LINGO2: variants seen among roughly 807,000 people sequenced by gnomAD.
The protein encoded by LINGO2 is leucine rich repeat and Ig domain containing 2.
LINGO2 carries 14 observed loss-of-function variants against 30.6 expected under a neutral mutation model. The observed-to-expected ratio is 0.46, with a 90% CI of 0.30 to 0.72. The LOEUF (loss-of-function observed/expected upper bound fraction) is 0.72. Ranked by LOEUF, LINGO2 falls within the 30% of genes least tolerant of loss-of-function variation. The pLI, the probability that LINGO2 is intolerant of heterozygous loss-of-function variation, is 0.07. For missense variants in LINGO2, 729 were observed against 751.7 expected, an observed-to-expected ratio of 0.97 and a Z score of 0.35; for synonymous variants, 317 against 288.5, an observed-to-expected ratio of 1.10 and a Z score of -1.00.
chr9:29,010,863 CAG>C, the LINGO2 span, among the ~76,000 whole-genome samples: 73,936 of 151,626 alleles, frequency 0.49, 18,171 homozygotes, highest in Middle Eastern at 0.53. Context: ...GCCTGGGTGA[CAG>C]AGCAAGACTC....
the LINGO2 span, among the ~76,000 whole-genome samples, chr9:29,005,914 G>A: frequency 2.0e-5 from 3 of 151,430 alleles, no homozygotes; most frequent in African/African-American, 7.3e-5. Context: ...GAATATTTTT[G>A]GTCCTTAGTT....
chr9:28,794,228 C>T, the LINGO2 span, among the ~76,000 whole-genome samples: 52,282 of 151,994 alleles, frequency 0.34, 10,757 homozygotes, highest in Middle Eastern at 0.45. Flanking sequence ...CGCTTGAATC[C>T]GGGAGGCAGA....
the LINGO2 span, among the ~76,000 whole-genome samples, chr9:29,125,856 A>G: frequency 2.0e-4 from 30 of 152,262 alleles, no homozygotes; most frequent in Non-Finnish European, 2.9e-5. Flanking sequence ...TGAGATGTTC[A>G]TTCTAAATGT....
the LINGO2 span, among the ~76,000 whole-genome samples, chr9:28,964,229 T>G: frequency 3.3e-5 from 5 of 151,890 alleles, no homozygotes; most frequent in African/African-American, 1.2e-4. Flanking sequence ...CTAGATTATA[T>G]GAAATTATAT....
intron 4 of LINGO2, among the ~76,000 whole-genome samples, chr9:28,150,600 G>C (rs1487801786): frequency 6.6e-6 from 1 of 152,176 alleles, no homozygotes; most frequent in African/African-American, 2.4e-5. Context: ...TGTTGTAGTT[G>C]AGAGCAGGAT....
At chr9:28,360,498 T>A (rs1329759198) in intron 3 of LINGO2, among the ~76,000 whole-genome samples, 3 of 152,148 alleles carry the variant, frequency 2.0e-5, no homozygotes, top group Non-Finnish European at 4.4e-5. Context: ...CATTCTTTTT[T>A]AAAAATTTCA....
intron 3 of LINGO2, among the ~76,000 whole-genome samples, chr9:28,339,420 T>C (rs1050286467): frequency 1.3e-5 from 2 of 152,170 alleles, no homozygotes; most frequent in Admixed American, 1.3e-4. Flanking sequence ...ACTTACCATA[T>C]AGATTGTTGT....
chr9:27,946,937 A>G (rs1823387569), downstream of LINGO2, among the ~76,000 whole-genome samples: 1 of 152,086 alleles, frequency 6.6e-6, no homozygotes, highest in Non-Finnish European at 1.5e-5. Flanking sequence ...ATTGGGGTCA[A>G]TTTAATTTTA....
the LINGO2 span, among the ~76,000 whole-genome samples, chr9:28,743,715 T>C: frequency 6.6e-6 from 1 of 151,920 alleles, no homozygotes; most frequent in African/African-American, 2.4e-5. Flanking sequence ...TTTTGTTTTT[T>C]TGTTTTCTCT....
At chr9:28,398,073 T>C (rs10968559) in intron 2 of LINGO2, among the ~76,000 whole-genome samples, 3 of 152,236 alleles carry the variant, frequency 2.0e-5, no homozygotes, top group Admixed American at 6.5e-5. Flanking sequence ...AATGCCATTA[T>C]AAGTGCCAGG....
At chr9:28,188,640 A>T (rs1179902822) in intron 4 of LINGO2, among the ~76,000 whole-genome samples, 1 of 152,164 alleles carries the variant, frequency 6.6e-6, no homozygotes, top group Non-Finnish European at 1.5e-5. Flanking sequence ...AAAAAAAGTG[A>T]CGGAGATTTC....
chr9:28,973,356 T>TA, the LINGO2 span, among the ~76,000 whole-genome samples: 6 of 152,170 alleles, frequency 3.9e-5, no homozygotes, highest in Admixed American at 2.6e-4. Context: ...GTTGGAACCT[T>TA]ACATGCCAGG....
chr9:28,163,807 C>A (rs561411713), intron 4 of LINGO2, among the ~76,000 whole-genome samples: 2 of 152,258 alleles, frequency 1.3e-5, no homozygotes, highest in Non-Finnish European at 2.9e-5. Context: ...AAACGAGATC[C>A]AACTTGCCTA....
intron 4 of LINGO2, among the ~76,000 whole-genome samples, chr9:28,046,858 G>C (rs1824444382): frequency 2.0e-5 from 3 of 152,086 alleles, no homozygotes; most frequent in Admixed American, 2.0e-4. Context: ...TCCATAAACT[G>C]ACGTGTATCT....
At chr9:28,226,773 G>T (rs1251313594) in intron 4 of LINGO2, among the ~76,000 whole-genome samples, 1 of 152,056 alleles carries the variant, frequency 6.6e-6, no homozygotes, top group African/African-American at 2.4e-5. Context: ...TCCATCCCTT[G>T]GATGCATTTG....
chr9:28,944,103 G>T, the LINGO2 span, among the ~76,000 whole-genome samples: 1 of 152,154 alleles, frequency 6.6e-6, no homozygotes, highest in African/African-American at 2.4e-5. Flanking sequence ...CAGTAAGCGA[G>T]ACTTCTTCTA....
chr9:28,189,621 G>GAAAGGA (rs1564029324), intron 4 of LINGO2, among the ~76,000 whole-genome samples: 1 of 1,134 alleles, frequency 8.8e-4, no homozygotes, highest in Non-Finnish European at 1.7e-3. Context: ...GGGAGGGAGG[G>GAAAGGA]AGGAAGGGAG....
chr9:28,519,834 G>T (rs964698595), intron 1 of LINGO2, among the ~76,000 whole-genome samples: 13 of 152,006 alleles, frequency 8.6e-5, no homozygotes, highest in African/African-American at 3.1e-4. Flanking sequence ...CATGTTTTTG[G>T]CATTGAGTCT....
the LINGO2 span, among the ~76,000 whole-genome samples, chr9:29,118,552 T>C: frequency 6.6e-6 from 1 of 152,096 alleles, no homozygotes; most frequent in Non-Finnish European, 1.5e-5. Context: ...TGTAGAACCC[T>C]GGTGAAGCCC....
Sources: allele counts gnomAD v4.1 joint callset (sites outside exome capture counted in the v4.1 genomes callset), GRCh38; gene constraint gnomAD v4.1.1; transcripts MANE v1.5; gene names NCBI Gene and HGNC (gene_info 2026-07-23, HGNC 2026-07-21).